LIMA1: variants seen among roughly 807,000 people sequenced by gnomAD.
LIMA1 encodes the protein LIM domain and actin binding 1.
A neutral mutation model predicts 62.6 loss-of-function variants in LIMA1; 52 were observed. The ratio of observed to expected loss-of-function variants is 0.83; its 90% CI spans 0.67 to 1.05. LIMA1 has a LOEUF of 1.05. LIMA1 is among the 50% of genes least tolerant of loss of function. The pLI, the probability that LIMA1 is intolerant of heterozygous loss-of-function variation, is 0.00. For missense variants in LIMA1, 780 were observed against 902.2 expected (o/e 0.86, Z 1.74); for synonymous variants, 302 against 317.8 (o/e 0.95, Z 0.53).
intron 1 of LIMA1, among the ~76,000 whole-genome samples, chr12:50,264,525 A>C (rs1942115387): frequency 6.6e-6 from 1 of 152,196 alleles, no homozygotes; most frequent in African/African-American, 2.4e-5. Context: ...AGGACAGTAG[A>C]ATGGAAATAG....
rs368038643 is a variant in LIMA1 at position 50,177,822 on chromosome 12, T to C, written c.1522A>G (p.Met508Val). Residue 508 changes from methionine to valine, a missense_variant, in exon 11 of 11, where the codon ATG becomes GTG. By Grantham distance (21) the Met-to-Val change is conservative (BLOSUM62 1). Coordinates refer to ENST00000341247, the MANE Select transcript of LIMA1 (RefSeq NM_016357.5). ...TGCTGAGAGGAGGCCTTGGCTTCCA[T>C]ACTTGCAGCCAGGACACCCACCTTA... is the stretch of plus-strand genomic sequence containing the variant. The part of the protein sequence containing the change: ...IAKVGVLAAS[M>V]EAKASSQQEK... The C allele has an allele frequency of 8.1e-6, 13 of 1,613,592 alleles. No homozygotes were observed. The African/African-American group carries it at 1.6e-4, about 20-fold the overall frequency.
chr12:50,234,811 C>T (rs561312368), intron 2 of LIMA1, among the ~76,000 whole-genome samples: 2 of 152,102 alleles, frequency 1.3e-5, no homozygotes, highest in East Asian at 1.9e-4. Flanking sequence ...CCCAGGAGTT[C>T]GAGACCAGAC....
chr12:50,192,570 G>C lies in LIMA1; in HGVS notation c.1031-9C>G. ...CTTAACCTGGGAGTCACCTGCTTGA[G>C]TTACAAAAGGAAGACATTTTACAGT... On this transcript the variant is annotated splice_polypyrimidine_tract_variant and intron_variant, in intron 8 of 10. Transcript: ENST00000341247. The C allele has an allele frequency of 1.3e-6, 2 of 1,593,248 alleles. No individual in the cohort carries two copies. The highest frequency in any genetic ancestry group is 1.1e-5 in the South Asian group (1 of 90,678).
chr12:50,250,563 C>CA (rs754126420), intron 1 of LIMA1, among the ~76,000 whole-genome samples: 3,941 of 32,754 alleles, frequency 0.12, 538 homozygotes, highest in African/African-American at 0.23. Context: ...AAGATGTTCT[C>CA]AAAAAAAAAA....
At position 50,177,253 on chromosome 12, in the gene LIMA1, T is replaced by C. The variant is rs199920958; in HGVS notation, c.2091A>G (p.Gln697=). ...TCAGAGACTTGGGTTCTTGTGGAGA[T>C]TGTTGTTTGAGGAAGCTGTTATCAT... ...DEDDNSFLKQ[Q]SPQEPKSLNW... is the part of the protein sequence containing the mutation. Residue 697 remains glutamine (Q), a synonymous_variant, in exon 11 of 11, where the codon CAA becomes CAG. Coordinates refer to ENST00000341247, the MANE Select transcript of LIMA1 (RefSeq NM_016357.5). 4.5e-5 allele frequency: 73 copies of C among 1,614,124 alleles called. No individual in the cohort carries two copies. The East Asian group carries it at 9.4e-4, about 21-fold the overall frequency.
In LIMA1 at chr12:50,177,638, T is replaced by G; in HGVS notation, c.1706A>C (p.Glu569Ala). The change falls in exon 11 of 11, where the codon GAG (glutamate) becomes GCG (alanine). Residue 569 changes from glutamate to alanine, a missense_variant. Coordinates refer to ENST00000341247, the MANE Select transcript of LIMA1 (RefSeq NM_016357.5). ...EDEISKPEVPEDVDLDLKKLR... is the reference protein window; with the variant it reads ...EDEISKPEVPADVDLDLKKLR... ...CTTCTTCAGATCTAGATCGACATCC[T>G]CAGGAACTTCGGGCTTGCTGATTTC... 1 of 1,608,158 alleles carries G rather than the reference T, an allele frequency of 6.2e-7. No homozygotes were observed. The highest frequency in any genetic ancestry group is 1.3e-5 in the African/African-American group (1 of 74,620).
chr12:50,240,370 G>A (rs1436905080), intron 2 of LIMA1, among the ~76,000 whole-genome samples: 1 of 152,146 alleles, frequency 6.6e-6, no homozygotes, highest in Non-Finnish European at 1.5e-5. Flanking sequence ...GATTCAATTC[G>A]TGTTTTTAAA....
intron 1 of LIMA1, among the ~76,000 whole-genome samples, chr12:50,257,846 G>A (rs35768991): frequency 0.32 from 48,826 of 152,026 alleles, 8,121 homozygotes; most frequent in South Asian, 0.47. Context: ...TTCCTGCTTC[G>A]GCCCTCCAAA....
intron 1 of LIMA1, among the ~76,000 whole-genome samples, chr12:50,258,541 C>T (rs561688425): frequency 2.0e-5 from 3 of 152,046 alleles, no homozygotes; most frequent in African/African-American, 7.2e-5. Flanking sequence ...AAGTGATCCT[C>T]ACGCCTCAGC....
At chr12:50,234,938 G>A (rs1941668861) in intron 2 of LIMA1, among the ~76,000 whole-genome samples, 1 of 152,008 alleles carries the variant, frequency 6.6e-6, no homozygotes, top group African/African-American at 2.4e-5. Flanking sequence ...TTGAGCCAGG[G>A]AGGTTGAGGC....
At chr12:50,235,189 C>T (rs1192783740) in intron 2 of LIMA1, among the ~76,000 whole-genome samples, 1 of 151,818 alleles carries the variant, frequency 6.6e-6, no homozygotes, top group African/African-American at 2.4e-5. Context: ...CTGTCTCAGC[C>T]TTTCAAAGTG....
At chr12:50,279,225 C>T (rs368674739) in intron 1 of LIMA1, among the ~76,000 whole-genome samples, 4 of 150,908 alleles carry the variant, frequency 2.7e-5, no homozygotes, top group Admixed American at 6.6e-5. Flanking sequence ...AGGCTGGTCT[C>T]GAACTCCTGA....
intron 8 of LIMA1, among the ~76,000 whole-genome samples, chr12:50,194,783 C>T (rs767305628): frequency 6.6e-6 from 1 of 151,940 alleles, no homozygotes; most frequent in African/African-American, 2.4e-5. Context: ...CACGGTGGCT[C>T]ACGCCTGTAA....
chr12:50,186,634 CAT>C (rs1053300205), intron 9 of LIMA1: 15 of 152,390 alleles, frequency 9.8e-5, no homozygotes, highest in Admixed American at 3.3e-4. Flanking sequence ...ACTAGCTGCA[CAT>C]GTTTTATCCT....
chr12:50,242,357 C>T (rs1432651299), intron 2 of LIMA1, among the ~76,000 whole-genome samples: 1 of 151,044 alleles, frequency 6.6e-6, no homozygotes, highest in African/African-American at 2.4e-5. Flanking sequence ...TATGAACGCT[C>T]TTTGTTTTTT....
intron 1 of LIMA1, among the ~76,000 whole-genome samples, chr12:50,254,845 A>C (rs1941972997): frequency 6.6e-6 from 1 of 152,088 alleles, no homozygotes; most frequent in Non-Finnish European, 1.5e-5. Flanking sequence ...GGATCACTTA[A>C]GTTCAGGAGT....
In LIMA1 at chr12:50,177,375, C is replaced by A; in HGVS notation, c.1969G>T (p.Glu657Ter). Residue 657 changes from glutamate (E) to a stop codon, truncating the protein, a stop_gained, in exon 11 of 11, where the codon GAA becomes TAA. Transcript: ENST00000341247. LOFTEE classifies it low-confidence loss of function (END_TRUNC). ...NVGKTTWQNKESKGETGKRSK... is the reference protein window; with the variant it reads ...NVGKTTWQNK ...CTCTTCCCTGTCTCTCCTTTAGATT[C>A]TTTGTTTTGCCAGGTTGTTTTTCCC... 1 of 1,614,150 alleles carries A rather than the reference C, an allele frequency of 6.2e-7. No homozygotes were observed. Among genetic ancestry groups the A allele is most frequent in the Non-Finnish European group, 8.5e-7 (1 of 1,180,022 alleles).
In LIMA1 at chr12:50,222,317, C is replaced by T. The variant is rs146061384; in HGVS notation, c.334G>A (p.Ala112Thr). 2.5e-6 allele frequency: 4 copies of T among 1,613,958 alleles called. No individual in the cohort carries two copies. Among genetic ancestry groups the T allele is most frequent in the African/African-American group, 1.3e-5 (1 of 74,866 alleles). The stretch of plus-strand genomic sequence containing the variant: ...TGGTCAGCTTTGGCTCCAGAAGCAG[C>T]GTGGCTTGTCACTTCAGCAGGAGGA... Reference protein sequence around the residue: ...DHPPAEVTSHAASGAKADQEE... With the variant: ...DHPPAEVTSHTASGAKADQEE... Residue 112 changes from alanine (A) to threonine (T), a missense_variant, in exon 4 of 11, where the codon GCT becomes ACT. Ala to Thr is a moderately conservative substitution (Grantham distance 58). Transcript: ENST00000341247.
At chr12:50,262,972 C>G (rs185776926) in intron 1 of LIMA1, among the ~76,000 whole-genome samples, 1 of 152,282 alleles carries the variant, frequency 6.6e-6, no homozygotes, top group Non-Finnish European at 1.5e-5. Flanking sequence ...TAAAAGTACA[C>G]TGAGGTTTGG....
Sources: gnomAD v4.1 joint callset for allele counts (sites outside exome capture counted in the v4.1 genomes callset) on GRCh38, gnomAD v4.1.1 for gene constraint, MANE v1.5 for transcripts, NCBI Gene and HGNC (gene_info 2026-07-23, HGNC 2026-07-21) for gene names.